IFT140: variants seen among roughly 807,000 people sequenced by gnomAD.
IFT140 encodes intraflagellar transport 140.
Under a neutral mutation model 164.6 loss-of-function variants are expected in IFT140, and 133 were observed. The observed-to-expected ratio is 0.81, with a 90% CI of 0.70 to 0.93. The LOEUF (loss-of-function observed/expected upper bound fraction) is 0.93. IFT140 is among the 40% of genes least tolerant of loss of function. The probability of loss-of-function intolerance (pLI) is 0.00; values close to 1 mark genes in which losing one functional copy is unlikely to be tolerated. For synonymous variants in IFT140, 860 were observed against 817.3 expected (o/e 1.05, Z -0.89); for missense variants, 2,045 against 1,972.3 (o/e 1.04, Z -0.70).
At chr16:1,611,330 T>C (rs573296026) in intron 1 of IFT140, among the ~76,000 whole-genome samples, 2 of 151,838 alleles carry the variant, frequency 1.3e-5, no homozygotes, top group East Asian at 3.9e-4. Flanking sequence ...CAAGGCGAGA[T>C]CCTGTCTCTA....
At position 1,564,064 on chromosome 16, in the gene IFT140, T is replaced by G; in HGVS notation, c.2000A>C (p.Gln667Pro). Reference protein sequence around the residue: ...EPRLFVCEAVQETPRSQPQSA... With the variant: ...EPRLFVCEAVPETPRSQPQSA... ...CTGAGGCTGGGAGCGCGGCGTCTCC[T>G]GCACGGCTTCGCATACAAACAGCCG... The change falls in exon 17 of 31, where the codon CAG (glutamine) becomes CCG (proline). Residue 667 changes from glutamine to proline, a missense_variant. Physicochemically the swap from Gln to Pro is moderately conservative, Grantham distance 76. Transcript: ENST00000426508. This position sits in a 1 kb window ranked among gnomAD's most constrained non-coding sequence, Gnocchi z 5.5. The G allele has an allele frequency of 6.2e-7, 1 of 1,605,170 alleles. No individual in the cohort carries two copies. Among genetic ancestry groups the G allele is most frequent in the South Asian group, 1.1e-5 (1 of 90,628 alleles).
chr16:1,522,392 G>A (rs9673971), intron 26 of IFT140, among the ~76,000 whole-genome samples: 36,466 of 151,856 alleles, frequency 0.24, 4,877 homozygotes, highest in African/African-American at 0.36. Flanking sequence ...AAAATTAGCC[G>A]GGCGTGGTGG....
chr16:1,600,454 A>T (rs1042668979), intron 4 of IFT140, among the ~76,000 whole-genome samples: 5 of 95,196 alleles, frequency 5.3e-5, no homozygotes, highest in Admixed American at 2.2e-4. Context: ...ATCAATAAAA[A>T]AATAAATTTA....
intron 12 of IFT140, among the ~76,000 whole-genome samples, chr16:1,582,068 G>T (rs1219518601): frequency 6.6e-6 from 1 of 152,096 alleles, no homozygotes; most frequent in African/African-American, 2.4e-5. Flanking sequence ...GAGGGGCAGG[G>T]TTGGTGAAGG....
rs952342060 is a variant in IFT140, at chr16:1,607,399, C to T, written c.-31-102G>A. Reference sequence around the variant, plus strand: ...AAAGGAAGCATCCCAAAGCCACCATCGGAAGACCATCGGCAACTTGAAAAT... The same window carrying T: ...AAAGGAAGCATCCCAAAGCCACCATTGGAAGACCATCGGCAACTTGAAAAT... On this transcript the variant is annotated intron_variant, in intron 2 of 30. Coordinates refer to ENST00000426508, the MANE Select transcript of IFT140 (RefSeq NM_014714.4). The T allele has an allele frequency of 2.9e-5, 30 of 1,050,910 alleles. 1 individual carries two copies. The highest frequency in any genetic ancestry group is 3.4e-5 in the Non-Finnish European group (25 of 736,736). 65.1% of individuals were successfully genotyped at this position (1,050,910 alleles called of 1,614,324 possible).
intron 19 of IFT140, chr16:1,541,435 G>A (rs966380477): frequency 9.1e-6 from 9 of 985,268 alleles, no homozygotes; most frequent in Admixed American, 1.2e-4. Flanking sequence ...CTTGGGGGTC[G>A]GGCAGCTGAG....
At chr16:1,589,582 C>A (rs768184278) in intron 7 of IFT140, 23 bp downstream of exon 7, 1 of 1,604,932 alleles carries the variant, frequency 6.2e-7, no homozygotes, top group Admixed American at 1.7e-5. Flanking sequence ...CCAGCGTGAG[C>A]CCCCAAGCCC....
At chr16:1,511,725 A>G (rs1291599287) in intron 30 of IFT140, among the ~76,000 whole-genome samples, 1 of 150,090 alleles carries the variant, frequency 6.7e-6, no homozygotes, top group African/African-American at 2.5e-5. Flanking sequence ...CCTTCCACAC[A>G]GTCTCAAACG....
intron 4 of IFT140, among the ~76,000 whole-genome samples, chr16:1,592,998 T>C (rs1313853528): frequency 1.4e-5 from 2 of 148,146 alleles, no homozygotes; most frequent in African/African-American, 5.1e-5. Context: ...GGGACAGGTG[T>C]CCTGGCAGAG....
At chr16:1,595,572 A>T (rs2035419707) in intron 4 of IFT140, among the ~76,000 whole-genome samples, 2 of 151,576 alleles carry the variant, frequency 1.3e-5, no homozygotes. Flanking sequence ...ATTGCACTCC[A>T]GCCTGGGCGA....
intron 15 of IFT140, 137 bp from the exon 16 acceptor site, chr16:1,566,428 C>A: frequency 1.4e-6 from 1 of 719,930 alleles, no homozygotes; most frequent in African/African-American, 1.8e-5. Context: ...ACTCATCTTC[C>A]AAGGACTAGC....
At chr16:1,569,306 C>T (rs186618861) in intron 14 of IFT140, among the ~76,000 whole-genome samples, 1 of 152,304 alleles carries the variant, frequency 6.6e-6, no homozygotes, top group African/African-American at 2.4e-5. Context: ...CCGCGCTCGG[C>T]CGTGGAATTC....
rs762437261 is a variant in IFT140 at position 1,602,317 on chromosome 16, A to T, written c.369+53T>A. The T allele has an allele frequency of 4.8e-4, 712 of 1,486,042 alleles. 1 individual carries two copies. The highest frequency in any genetic ancestry group is 6.4e-4 in the Non-Finnish European group (684 of 1,069,170). 92.1% of individuals were successfully genotyped at this position (1,486,042 alleles called of 1,614,324 possible). A position where few individuals can be genotyped will look rare whatever the true frequency, so the allele number is the denominator to read the frequency against. ...ATTTTGATCTTTCATACTCTCGAGCATGGTCAGAAAGGGTCAAGGTCTGAA... is the reference window on the plus strand; with the variant it reads ...ATTTTGATCTTTCATACTCTCGAGCTTGGTCAGAAAGGGTCAAGGTCTGAA... On this transcript the variant is annotated intron_variant, in intron 4 of 30. Coordinates refer to ENST00000426508, the MANE Select transcript of IFT140 (RefSeq NM_014714.4).
chr16:1,557,918 G>C lies in IFT140; in HGVS notation c.2399+17C>G. 6.2e-7 allele frequency: 1 copy of C among 1,610,102 alleles called. No individual in the cohort carries two copies. The highest frequency in any genetic ancestry group is 8.5e-7 in the Non-Finnish European group (1 of 1,177,264). On this transcript the variant is annotated intron_variant, in intron 19 of 30. Coordinates refer to ENST00000426508, the MANE Select transcript of IFT140 (RefSeq NM_014714.4). ...GCACGCGCTATCTCCCAACATCCCA[G>C]TGGTCGGGATCCTCACCTTTTGATG...
At position 1,550,025 on chromosome 16, in the gene IFT140, G is replaced by A. The variant is rs140429872; in HGVS notation, c.2399+7910C>T. ...AGGCTGAGTGCAATGGTGCAATCAC[G>A]GCTTACTGCAGACTCGACCTCCTGG... On this transcript the variant is annotated intron_variant, in intron 19 of 30. Coordinates refer to ENST00000426508, the MANE Select transcript of IFT140 (RefSeq NM_014714.4). 9.8e-4 allele frequency among the ~76,000 whole-genome samples: 149 copies of A among 151,868 alleles called. 1 individual carries two copies. In the East Asian group the frequency reaches 0.027, roughly 28 times the overall value.
At chr16:1,534,324 T>G (rs2030829422) in intron 19 of IFT140, 1 of 1,612,672 alleles carries the variant, frequency 6.2e-7, no homozygotes, top group African/African-American at 1.3e-5. Context: ...GGCCCTGGTC[T>G]CACTCATCCT....
intron 30 of IFT140, among the ~76,000 whole-genome samples, chr16:1,515,415 G>A (rs1260053399): frequency 6.6e-6 from 1 of 152,142 alleles, no homozygotes; most frequent in Non-Finnish European, 1.5e-5. Context: ...GTCAAATCAG[G>A]ATTTTTTTTG....
At chr16:1,528,372 C>G (rs140400369) in intron 19 of IFT140, among the ~76,000 whole-genome samples, 3,227 of 120,066 alleles carry the variant, frequency 0.027, 73 homozygotes, top group African/African-American at 0.078. Flanking sequence ...CACACACACG[C>G]ATGCACGCAC....
rs936709914 is a variant in IFT140 at position 1,511,164 on chromosome 16, G to A, written c.4183-14C>T. The stretch of plus-strand genomic sequence containing the variant: ...GAATCTGTAGGCCTGGGGCAGAGGA[G>A]CAGACATTACTCAGCTTTCCTGAAC... On this transcript the variant is annotated splice_polypyrimidine_tract_variant and intron_variant, in intron 30 of 30. Transcript: ENST00000426508. 6.3e-7 allele frequency: 1 copy of A among 1,590,468 alleles called. No homozygotes were observed. The highest frequency in any genetic ancestry group is 1.1e-5 in the South Asian group (1 of 87,410).
Sources: gnomAD v4.1 joint callset for allele counts (sites outside exome capture counted in the v4.1 genomes callset) on GRCh38, gnomAD v4.1.1 for gene constraint, Gnocchi (gnomAD v3.1) non-coding constraint, MANE v1.5 for transcripts, NCBI Gene and HGNC (gene_info 2026-07-23, HGNC 2026-07-21) for gene names.